The following PDE7A variants were observed in gnomAD, a reference collection of about 807,000 sequenced individuals.
PDE7A encodes phosphodiesterase 7A, also known as high affinity 3',5'-cyclic-AMP phosphodiesterase 7A.
In PDE7A, 39 loss-of-function variants were observed where a neutral mutation model predicts 64.3. The ratio of observed to expected loss-of-function variants is 0.61; its 90% CI spans 0.47 to 0.79. The LOEUF (loss-of-function observed/expected upper bound fraction) is 0.79. Ranked by LOEUF, PDE7A falls within the 30% of genes least tolerant of loss-of-function variation. The pLI, the probability that PDE7A is intolerant of heterozygous loss-of-function variation, is 0.00. For missense variants in PDE7A, 470 were observed against 582.8 expected (o/e 0.81, Z 1.99); for synonymous variants, 203 against 206.8 (o/e 0.98, Z 0.16).
intron 5 of PDE7A, among the ~76,000 whole-genome samples, chr8:65,741,739 A>G (rs1807446035): frequency 6.6e-6 from 1 of 152,264 alleles, no homozygotes; most frequent in Admixed American, 6.5e-5. Flanking sequence ...ATCTTCGAGT[A>G]TATAAATATT....
chr8:65,735,662 C>T (rs1807098986), intron 6 of PDE7A, among the ~76,000 whole-genome samples: 1 of 151,794 alleles, frequency 6.6e-6, no homozygotes, highest in Non-Finnish European at 1.5e-5. Flanking sequence ...CTCGCTCTGT[C>T]ACTCAGGCTG....
At chr8:65,809,092 A>T (rs923995434) in intron 1 of PDE7A, among the ~76,000 whole-genome samples, 1 of 152,212 alleles carries the variant, frequency 6.6e-6, no homozygotes, top group Non-Finnish European at 1.5e-5. Context: ...AAACCTTATT[A>T]GCCATGTGAC....
At chr8:65,743,894 G>A (rs1390422216) in intron 5 of PDE7A, among the ~76,000 whole-genome samples, 5 of 151,314 alleles carry the variant, frequency 3.3e-5, no homozygotes, top group Non-Finnish European at 7.4e-5. Flanking sequence ...GTGCAATGGC[G>A]CGATCTCAGC....
At chr8:65,737,106 TCAAA>T (rs974315667) in intron 6 of PDE7A, among the ~76,000 whole-genome samples, 3 of 151,966 alleles carry the variant, frequency 2.0e-5, no homozygotes, top group African/African-American at 7.2e-5. Context: ...AGACCCTGTC[TCAAA>T]CAAACAAACT....
At chr8:65,792,217 A>G (rs1809719245) in intron 1 of PDE7A, among the ~76,000 whole-genome samples, 1 of 152,210 alleles carries the variant, frequency 6.6e-6, no homozygotes, top group Non-Finnish European at 1.5e-5. Flanking sequence ...TTCTAGAAAA[A>G]TTAATGCATA....
At chr8:65,726,765 G>T in intron 9 of PDE7A, 110 bp downstream of exon 9, 2 of 595,552 alleles carry the variant, frequency 3.4e-6, no homozygotes, top group Non-Finnish European at 6.1e-6. Context: ...GACAAACACT[G>T]AAAACTGTGG....
intron 3 of PDE7A, among the ~76,000 whole-genome samples, chr8:65,765,319 C>A (rs1808717468): frequency 6.6e-6 from 1 of 150,592 alleles, no homozygotes. Flanking sequence ...GAAACCCCGT[C>A]TCTACTAAAA....
At chr8:65,813,704 T>A (rs906574094) in intron 1 of PDE7A, among the ~76,000 whole-genome samples, 5 of 152,230 alleles carry the variant, frequency 3.3e-5, no homozygotes, top group Non-Finnish European at 5.9e-5. Flanking sequence ...AATAGCACGA[T>A]TGGATATCCT....
chr8:65,795,364 G>T (rs578236146), intron 1 of PDE7A, among the ~76,000 whole-genome samples: 1 of 152,296 alleles, frequency 6.6e-6, no homozygotes, highest in South Asian at 2.1e-4. Flanking sequence ...GGGAGGCTGA[G>T]GTACCTGGAA....
intron 1 of PDE7A, among the ~76,000 whole-genome samples, chr8:65,812,199 C>T (rs771423839): frequency 5.5e-5 from 8 of 146,734 alleles, no homozygotes; most frequent in Non-Finnish European, 1.2e-4. Flanking sequence ...AGCGCGAGAC[C>T]GTTTCAAAAA....
chr8:65,836,493 T>C (rs1810955667), intron 1 of PDE7A, among the ~76,000 whole-genome samples: 1 of 152,232 alleles, frequency 6.6e-6, no homozygotes. Context: ...AAAGGATAGA[T>C]CCTTTTGTGA....
intron 11 of PDE7A, 109 bp from the exon 12 acceptor site, chr8:65,723,730 C>A: frequency 2.8e-6 from 2 of 726,290 alleles, no homozygotes; most frequent in South Asian, 3.3e-5. Flanking sequence ...CATACTTAAT[C>A]CTCATGAGAG....
At chr8:65,834,622 C>T (rs898329970) in intron 1 of PDE7A, among the ~76,000 whole-genome samples, 6 of 152,188 alleles carry the variant, frequency 3.9e-5, no homozygotes, top group African/African-American at 1.4e-4. Context: ...GCAGACTTTG[C>T]TGAAATTTAG....
At chr8:65,816,840 C>T (rs1016816330) in intron 1 of PDE7A, among the ~76,000 whole-genome samples, 1 of 152,208 alleles carries the variant, frequency 6.6e-6, no homozygotes, top group African/African-American at 2.4e-5. Context: ...ATCCTAGTCA[C>T]ATTCACTGAC....
intron 4 of PDE7A, among the ~76,000 whole-genome samples, chr8:65,746,506 T>C (rs1807684032): frequency 6.6e-6 from 1 of 152,178 alleles, no homozygotes. Flanking sequence ...AATGTGTACT[T>C]CAGCCAAGCA....
intron 12 of PDE7A, among the ~76,000 whole-genome samples, chr8:65,720,762 TAACA>T (rs1431113126): frequency 6.6e-6 from 1 of 152,176 alleles, no homozygotes; most frequent in Non-Finnish European, 1.5e-5. Flanking sequence ...GAGAAAGAGA[TAACA>T]AACATAGAAA....
chr8:65,725,059 C>A, intron 9 of PDE7A, 138 bp from the exon 10 acceptor site: 1 of 478,376 alleles, frequency 2.1e-6, no homozygotes, highest in Non-Finnish European at 3.5e-6. Context: ...AAATTTATCA[C>A]ACAAAAAATG....
At chr8:65,776,017 A>G (rs1809250452) in intron 3 of PDE7A, among the ~76,000 whole-genome samples, 1 of 151,912 alleles carries the variant, frequency 6.6e-6, no homozygotes, top group Admixed American at 6.6e-5. Flanking sequence ...TCTTAAATTC[A>G]CTTTAATTTC....
chr8:65,738,270 T>C lies in PDE7A; in HGVS notation c.595+1232A>G, dbSNP rs574245404. Among the ~76,000 whole-genome samples the C allele has an allele frequency of 3.0e-4, 38 of 126,380 alleles. 1 individual carries two copies. The South Asian group carries it at 0.01, about 34-fold the overall frequency. 82.9% of individuals were successfully genotyped at this position (126,380 alleles called of 152,430 possible). A position where few individuals can be genotyped will look rare whatever the true frequency, so the allele number is the denominator to read the frequency against. The stretch of plus-strand genomic sequence containing the variant: ...TGCTGTATATAAGCAAAATTGTATA[T>C]AACCAAATAAATTACAAATTAAGCT... On this transcript the variant is annotated intron_variant, in intron 6 of 12. Transcript: ENST00000401827.
Sources: gnomAD v4.1 joint callset for allele counts (sites outside exome capture counted in the v4.1 genomes callset) on GRCh38, gnomAD v4.1.1 for gene constraint, MANE v1.5 for transcripts, NCBI Gene and HGNC (gene_info 2026-07-23, HGNC 2026-07-21) for gene names.